The following RASGRF2 variants were observed in gnomAD, a reference collection of about 807,000 sequenced individuals.
The protein encoded by RASGRF2 is Ras protein specific guanine nucleotide releasing factor 2.
In RASGRF2, 76 loss-of-function variants were observed where a neutral mutation model predicts 151.0. That is an observed-to-expected ratio of 0.50 (90% CI 0.42 to 0.61). The LOEUF is 0.61. Ranked by LOEUF, RASGRF2 falls within the 20% of genes least tolerant of loss-of-function variation. The pLI, the probability that RASGRF2 is intolerant of heterozygous loss-of-function variation, is 0.00. For synonymous variants in RASGRF2, 504 were observed against 566.5 expected (o/e 0.89, Z 1.57); for missense variants, 1,148 against 1,564.6 (o/e 0.73, Z 4.49).
intron 7 of RASGRF2, among the ~76,000 whole-genome samples, chr5:81,082,435 A>G (rs1483190270): frequency 6.6e-6 from 1 of 152,216 alleles, no homozygotes; most frequent in South Asian, 2.1e-4. Flanking sequence ...AATGTCTTGA[A>G]AAGAACATTG....
intron 18 of RASGRF2, among the ~76,000 whole-genome samples, chr5:81,199,743 C>A (rs1466820759): frequency 6.6e-6 from 1 of 150,732 alleles, no homozygotes; most frequent in East Asian, 2.0e-4. Flanking sequence ...ACTAAAAATC[C>A]AAAAATTAGC....
At chr5:81,125,871 A>G (rs958729192) in intron 16 of RASGRF2, among the ~76,000 whole-genome samples, 1 of 152,222 alleles carries the variant, frequency 6.6e-6, no homozygotes, top group African/African-American at 2.4e-5. Context: ...ACCTGTGATA[A>G]TATGGAGGAA....
At chr5:81,026,559 TAAG>T (rs917696464) in intron 1 of RASGRF2, among the ~76,000 whole-genome samples, 3 of 152,096 alleles carry the variant, frequency 2.0e-5, no homozygotes, top group African/African-American at 7.2e-5. Context: ...AGAAAAGAAA[TAAG>T]TAGGTAGAAG....
chr5:81,091,738 G>A (rs1264621673), intron 9 of RASGRF2, among the ~76,000 whole-genome samples: 1 of 151,978 alleles, frequency 6.6e-6, no homozygotes, highest in East Asian at 1.9e-4. Flanking sequence ...AGTAGTTTGT[G>A]CTCATTAAAA....
intron 17 of RASGRF2, among the ~76,000 whole-genome samples, chr5:81,151,054 T>C (rs1754121734): frequency 6.6e-6 from 1 of 152,260 alleles, no homozygotes; most frequent in Admixed American, 6.5e-5. Flanking sequence ...TAATATATCT[T>C]ATAAACTGAG....
intron 1 of RASGRF2, among the ~76,000 whole-genome samples, chr5:80,968,284 C>T (rs1017096982): frequency 6.6e-6 from 1 of 152,178 alleles, no homozygotes; most frequent in Non-Finnish European, 1.5e-5. Context: ...CAGGGAATGC[C>T]AACCTACTCA....
chr5:81,080,285 A>G, intron 6 of RASGRF2, 85 bp downstream of exon 6: 1 of 1,544,528 alleles, frequency 6.5e-7, no homozygotes, highest in Non-Finnish European at 8.7e-7. Flanking sequence ...TTCAGCCTAA[A>G]CTGTTTGCAT....
intron 2 of RASGRF2, among the ~76,000 whole-genome samples, chr5:81,063,637 C>T (rs1251681384): frequency 1.3e-5 from 2 of 152,058 alleles, no homozygotes; most frequent in Non-Finnish European, 2.9e-5. Flanking sequence ...TGGATCTATA[C>T]TCTAGGTTAC....
chr5:81,003,262 G>C (rs12153146), intron 1 of RASGRF2, among the ~76,000 whole-genome samples: 5 of 133,966 alleles, frequency 3.7e-5, no homozygotes, highest in Non-Finnish European at 6.1e-5. Context: ...TCACTCTGTC[G>C]CCCAGGCTGG....
intron 17 of RASGRF2, among the ~76,000 whole-genome samples, chr5:81,167,005 A>G (rs968844279): frequency 2.0e-5 from 3 of 152,160 alleles, no homozygotes; most frequent in African/African-American, 4.8e-5. Flanking sequence ...CCCTCATGAA[A>G]TGACTTCAGT....
chr5:80,975,374 G>A (rs903302814), intron 1 of RASGRF2, among the ~76,000 whole-genome samples: 9 of 151,626 alleles, frequency 5.9e-5, no homozygotes, highest in South Asian at 4.2e-4. Context: ...TGCGTGTGTC[G>A]TTGAGGGGTG....
intron 18 of RASGRF2, among the ~76,000 whole-genome samples, chr5:81,197,462 C>CAAAAAAAAAAAA (rs10674027): frequency 3.1e-5 from 2 of 63,722 alleles, no homozygotes; most frequent in Non-Finnish European, 2.6e-5. Flanking sequence ...GACTCCGTCT[C>CAAAAAAAAAAAA]AAAAAAAAAA....
chr5:81,113,880 CGTGGATCT>C lies in RASGRF2; in HGVS notation c.2434_2441del (p.Asp812Ter). On this transcript the variant is annotated frameshift_variant, in exon 15 of 27. Transcript: ENST00000265080. LOFTEE classifies it high-confidence loss of function. The stretch of plus-strand genomic sequence containing the variant: ...TAGAAGAGAATGTCGATAACCCACG[CGTGGATCT>C]GTGTAACAAGCTAAAACGAAGTATT... 1 of 1,614,158 alleles carries C rather than the reference CGTGGATCT, an allele frequency of 6.2e-7. No homozygotes were observed. The highest frequency in any genetic ancestry group is 1.6e-4 in the Middle Eastern group (1 of 6,062).
intron 23 of RASGRF2, among the ~76,000 whole-genome samples, chr5:81,213,869 A>G (rs1180857041): frequency 6.6e-6 from 1 of 152,204 alleles, no homozygotes. Flanking sequence ...ACAAAAAAAC[A>G]AAAAAACAAA....
At chr5:81,178,373 G>A (rs899436520) in intron 17 of RASGRF2, among the ~76,000 whole-genome samples, 15 of 152,206 alleles carry the variant, frequency 9.9e-5, no homozygotes, top group Admixed American at 7.9e-4. Context: ...AGAAGACAAA[G>A]TTTGGTGTAA....
Position 81,055,400 on chromosome 5 carries a change from G to T in RASGRF2, c.395+12417G>T, listed in dbSNP as rs911279114. Among the ~76,000 whole-genome samples the T allele has an allele frequency of 4.6e-5, 7 of 152,186 alleles. No homozygotes were observed. The East Asian group carries it at 1.2e-3, about 25-fold the overall frequency. On this transcript the variant is annotated intron_variant, in intron 2 of 26. Coordinates refer to ENST00000265080, the MANE Select transcript of RASGRF2 (RefSeq NM_006909.3). ...TTGAGATAATCATGTGGTTTTTATC[G>T]TTGGTTCTGTTTATATGCTGGATTA...
intron 12 of RASGRF2, among the ~76,000 whole-genome samples, chr5:81,100,259 A>G (rs1227000596): frequency 6.6e-6 from 1 of 152,142 alleles, no homozygotes; most frequent in Non-Finnish European, 1.5e-5. Context: ...CACCTTGCTA[A>G]GCTACTGTAT....
chr5:81,219,578 G>T, intron 25 of RASGRF2, 132 bp from the exon 26 acceptor site: 1 of 652,660 alleles, frequency 1.5e-6, no homozygotes, highest in Non-Finnish European at 2.6e-6. Context: ...TGGTCAGGCA[G>T]GCTCCACCCG....
At chr5:81,023,567 A>AT (rs35763091) in intron 1 of RASGRF2, among the ~76,000 whole-genome samples, 18,658 of 152,160 alleles carry the variant, frequency 0.12, 1,393 homozygotes, top group South Asian at 0.19. Flanking sequence ...GCAGTGTTTG[A>AT]TTTTTTTGTG....
Sources: allele counts gnomAD v4.1 joint callset (sites outside exome capture counted in the v4.1 genomes callset), GRCh38; gene constraint gnomAD v4.1.1; transcripts MANE v1.5; gene names NCBI Gene and HGNC (gene_info 2026-07-23, HGNC 2026-07-21).